Variants in PDIA5 observed in about 807,000 individuals in gnomAD.
The protein encoded by PDIA5 is protein disulfide isomerase family A member 5.
In PDIA5, 58 loss-of-function variants were observed where a neutral mutation model predicts 77.6. The ratio of observed to expected loss-of-function variants is 0.75; its 90% CI spans 0.61 to 0.93. The LOEUF (loss-of-function observed/expected upper bound fraction) is 0.93, where lower values mean the gene tolerates loss of function less well. Ranked by LOEUF, PDIA5 falls within the 40% of genes least tolerant of loss-of-function variation. PDIA5 has a pLI of 0.00. For missense variants in PDIA5, 630 were observed against 647.7 expected, an observed-to-expected ratio of 0.97 and a Z score of 0.30; for synonymous variants, 250 against 252.1, an observed-to-expected ratio of 0.99 and a Z score of 0.08.
chr3:123,088,144 A>G (rs1934189708), intron 1 of PDIA5, among the ~76,000 whole-genome samples: 2 of 152,308 alleles, frequency 1.3e-5, no homozygotes, highest in South Asian at 4.1e-4. Flanking sequence ...TCCATATAGT[A>G]ACCCTCTTGC....
At chr3:123,135,328 C>T (rs76391696) in intron 11 of PDIA5, among the ~76,000 whole-genome samples, 6,681 of 152,126 alleles carry the variant, frequency 0.044, 484 homozygotes, top group African/African-American at 0.15. Context: ...CTGAGCAGCT[C>T]GTCTCTCCTA....
chr3:123,115,911 T>C (rs933435924), intron 7 of PDIA5, among the ~76,000 whole-genome samples: 2 of 152,266 alleles, frequency 1.3e-5, no homozygotes, highest in African/African-American at 4.8e-5. Flanking sequence ...TTTCTGAATC[T>C]CTGTTGAATT....
At chr3:123,155,373 T>G (rs977613518) in intron 15 of PDIA5, among the ~76,000 whole-genome samples, 7 of 152,162 alleles carry the variant, frequency 4.6e-5, no homozygotes, top group African/African-American at 1.7e-4. Context: ...AAATACAAAT[T>G]TAAAAATCCA....
At position 123,102,786 on chromosome 3, in the gene PDIA5, T is replaced by C. The variant is rs745820644; in HGVS notation, c.377T>C (p.Val126Ala). ...TTTCATACTGAATATAACCGAGCTG[T>C]GACATTTAAGGTAAATTTACCTCCC... ...GAFHTEYNRA[V>A]TFKSIVAFLK... is the part of the protein sequence containing the mutation. Residue 126 changes from valine to alanine, a missense_variant, in exon 5 of 17, where the codon GTG becomes GCG. Coordinates refer to ENST00000316218, the MANE Select transcript of PDIA5 (RefSeq NM_006810.4). The C allele has an allele frequency of 2.5e-5, 41 of 1,609,058 alleles. No homozygotes were observed. The South Asian group carries it at 4.5e-4, about 18-fold the overall frequency.
intron 1 of PDIA5, among the ~76,000 whole-genome samples, chr3:123,078,750 T>C (rs1053844714): frequency 2.0e-5 from 3 of 152,236 alleles, no homozygotes; most frequent in African/African-American, 7.2e-5. Context: ...TCTCCTTTAA[T>C]CTGGAATAGT....
chr3:123,118,968 C>T (rs1272145856), intron 8 of PDIA5, among the ~76,000 whole-genome samples: 2 of 152,166 alleles, frequency 1.3e-5, no homozygotes, highest in Non-Finnish European at 1.5e-5. Context: ...TATAAGCTTC[C>T]AGCAGGGCAT....
At chr3:123,123,413 A>G (rs1428098657) in intron 8 of PDIA5, among the ~76,000 whole-genome samples, 2 of 152,210 alleles carry the variant, frequency 1.3e-5, no homozygotes, top group African/African-American at 4.8e-5. Flanking sequence ...GCTGTGGGTA[A>G]TGGTCACCAA....
At chr3:123,148,945 GCTGC>G (rs1935826088) in intron 13 of PDIA5, among the ~76,000 whole-genome samples, 1 of 152,232 alleles carries the variant, frequency 6.6e-6, no homozygotes, top group Non-Finnish European at 1.5e-5. Context: ...AGGTGCATAG[GCTGC>G]CAGGCTGTGG....
At chr3:123,140,161 G>A (rs1396629806) in intron 11 of PDIA5, among the ~76,000 whole-genome samples, 1 of 152,118 alleles carries the variant, frequency 6.6e-6, no homozygotes, top group African/African-American at 2.4e-5. Context: ...GGGTAGGAAA[G>A]AACATGTTCC....
intron 6 of PDIA5, among the ~76,000 whole-genome samples, chr3:123,108,776 C>T (rs371378466): frequency 2.4e-4 from 37 of 152,068 alleles, no homozygotes; most frequent in African/African-American, 6.5e-4. Flanking sequence ...ATCCCAGCTA[C>T]TCGGGAGACT....
At chr3:123,124,995 C>T (rs1935208751) in intron 10 of PDIA5, among the ~76,000 whole-genome samples, 1 of 152,208 alleles carries the variant, frequency 6.6e-6, no homozygotes, top group Admixed American at 6.5e-5. Context: ...CCAAACCCCA[C>T]CACCCTGTTG....
chr3:123,094,608 T>C (rs1338339121), intron 3 of PDIA5, among the ~76,000 whole-genome samples: 1 of 152,232 alleles, frequency 6.6e-6, no homozygotes, highest in Non-Finnish European at 1.5e-5. Flanking sequence ...TTCCTAAGTG[T>C]GTCCAGTCCG....
intron 7 of PDIA5, among the ~76,000 whole-genome samples, chr3:123,113,246 A>T (rs556574690): frequency 6.6e-6 from 1 of 152,310 alleles, no homozygotes; most frequent in South Asian, 2.1e-4. Context: ...GCGTGCCACA[A>T]GACGGCATCC....
intron 1 of PDIA5, among the ~76,000 whole-genome samples, chr3:123,087,260 T>C (rs1198569698): frequency 6.6e-6 from 1 of 152,218 alleles, no homozygotes; most frequent in African/African-American, 2.4e-5. Flanking sequence ...GTGATTCTCC[T>C]GCCTCAGCCT....
At chr3:123,159,582 A>C (rs969498120) in intron 15 of PDIA5, among the ~76,000 whole-genome samples, 3 of 152,144 alleles carry the variant, frequency 2.0e-5, no homozygotes, top group African/African-American at 7.2e-5. Context: ...GTTGTATTAA[A>C]TCTTCTGGCT....
At chr3:123,128,015 C>T (rs1222778873) in intron 10 of PDIA5, among the ~76,000 whole-genome samples, 1 of 152,204 alleles carries the variant, frequency 6.6e-6, no homozygotes, top group East Asian at 1.9e-4. Flanking sequence ...TTCAGACTCT[C>T]ACTCAGTCCC....
chr3:123,106,874 TG>T (rs1934748378), intron 6 of PDIA5, 33 bp downstream of exon 6: 2 of 1,460,518 alleles, frequency 1.4e-6, no homozygotes, highest in South Asian at 2.3e-5. Flanking sequence ...TGATGGATGC[TG>T]GAAGCTTCCC....
At chr3:123,135,707 A>C (rs143147513) in intron 11 of PDIA5, among the ~76,000 whole-genome samples, 469 of 150,690 alleles carry the variant, frequency 3.1e-3, no homozygotes, top group East Asian at 0.019. Context: ...GATTAAGGAA[A>C]GAAACTACCT....
chr3:123,146,293 T>A, intron 13 of PDIA5, 34 bp downstream of exon 13: 1 of 1,590,560 alleles, frequency 6.3e-7, no homozygotes, highest in Non-Finnish European at 8.6e-7. Context: ...ACATCCTAAC[T>A]GCCAGCTGGC....
Sources: allele counts gnomAD v4.1 joint callset (sites outside exome capture counted in the v4.1 genomes callset), GRCh38; gene constraint gnomAD v4.1.1; transcripts MANE v1.5; gene names NCBI Gene and HGNC (gene_info 2026-07-23, HGNC 2026-07-21).